The following DAB2IP variants were observed in gnomAD, a reference collection of about 807,000 sequenced individuals.
DAB2IP encodes the protein DAB2 interacting protein, also known as disabled homolog 2-interacting protein.
In DAB2IP, 28 loss-of-function variants were observed where a neutral mutation model predicts 107.2. The ratio of observed to expected loss-of-function variants is 0.26; its 90% CI spans 0.19 to 0.36. DAB2IP has a LOEUF of 0.36. DAB2IP is among the 10% of genes least tolerant of loss of function. The pLI is 1.00. For synonymous variants in DAB2IP, 755 were observed against 706.4 expected, an observed-to-expected ratio of 1.07 and a Z score of -1.09; for missense variants, 1,400 against 1,644.7, an observed-to-expected ratio of 0.85 and a Z score of 2.57.
intron 3 of DAB2IP, chr9:121,737,515 T>G (rs1832014617): frequency 1.0e-6 from 1 of 985,314 alleles, no homozygotes; most frequent in African/African-American, 1.7e-5. Context: ...AAGAGCTGCC[T>G]GGGTGAGCAC....
At chr9:121,778,150 T>G (rs1266295361) in intron 14 of DAB2IP, among the ~76,000 whole-genome samples, 2 of 152,234 alleles carry the variant, frequency 1.3e-5, no homozygotes, top group Non-Finnish European at 2.9e-5. Context: ...CATATTATAG[T>G]GCACCGTTGC....
chr9:121,751,852 A>T, intron 3 of DAB2IP: 1 of 884,828 alleles, frequency 1.1e-6, no homozygotes, highest in Non-Finnish European at 1.4e-6. Flanking sequence ...GCCCTGGCCA[A>T]GCTCCTCTGT....
At chr9:121,728,443 A>G (rs1176859545) in intron 3 of DAB2IP, among the ~76,000 whole-genome samples, 1 of 152,184 alleles carries the variant, frequency 6.6e-6, no homozygotes, top group African/African-American at 2.4e-5. Context: ...AGTTGCGTGA[A>G]TTTGGGCCCG....
At chr9:121,784,321 G>T (rs1835856542) in exon 16 of DAB2IP, 1 of 153,564 alleles carries the variant, frequency 6.5e-6, no homozygotes, top group African/African-American at 2.4e-5. Flanking sequence ...CCTGGCTCCA[G>T]TCTCATCCTC....
chr9:121,700,703 A>G (rs759060598), intron 3 of DAB2IP, among the ~76,000 whole-genome samples: 2 of 152,070 alleles, frequency 1.3e-5, no homozygotes, highest in Non-Finnish European at 2.9e-5. Context: ...CTGGAGAGTA[A>G]CACTTCCACC....
chr9:121,697,248 A>T (rs540298298), intron 2 of DAB2IP, among the ~76,000 whole-genome samples: 2 of 152,386 alleles, frequency 1.3e-5, no homozygotes, highest in South Asian at 4.1e-4. Context: ...CTCCAGAATG[A>T]GCTACATAAA....
intron 1 of DAB2IP, among the ~76,000 whole-genome samples, chr9:121,654,484 T>C (rs1014466305): frequency 4.6e-5 from 7 of 152,010 alleles, no homozygotes; most frequent in African/African-American, 7.2e-5. Context: ...CCTGGAGTGA[T>C]GAGGAGTTAG....
At chr9:121,743,879 C>T (rs1045584231) in intron 3 of DAB2IP, among the ~76,000 whole-genome samples, 9 of 139,542 alleles carry the variant, frequency 6.4e-5, no homozygotes, top group Non-Finnish European at 9.0e-5. Flanking sequence ...CACCCTGCCC[C>T]TCTACGCAGA....
chr9:121,773,615 A>C, intron 12 of DAB2IP, 120 bp downstream of exon 12: 6 of 1,240,780 alleles, frequency 4.8e-6, no homozygotes, highest in Non-Finnish European at 6.1e-6. Context: ...CTGCCATCCC[A>C]TCCCACCAGC....
At chr9:121,728,663 G>T (rs1480691729) in intron 3 of DAB2IP, among the ~76,000 whole-genome samples, 1 of 152,214 alleles carries the variant, frequency 6.6e-6, no homozygotes, top group African/African-American at 2.4e-5. Flanking sequence ...GCCAGTGAGG[G>T]TGGGGAGGCC....
chr9:121,580,477 C>T (rs963681331), intron 1 of DAB2IP, among the ~76,000 whole-genome samples: 1 of 152,084 alleles, frequency 6.6e-6, no homozygotes, highest in Non-Finnish European at 1.5e-5. Context: ...ATTAGGAGAC[C>T]AGCCTGGGCA....
intron 10 of DAB2IP, among the ~76,000 whole-genome samples, chr9:121,769,905 A>G (rs551349714): frequency 7.9e-5 from 12 of 152,180 alleles, no homozygotes; most frequent in Non-Finnish European, 1.5e-4. Context: ...TGCGTGCTCT[A>G]TTGCCTGCAT....
At chr9:121,659,809 A>G (rs935629270) in intron 1 of DAB2IP, among the ~76,000 whole-genome samples, 26 of 152,174 alleles carry the variant, frequency 1.7e-4, no homozygotes, top group African/African-American at 5.5e-4. Context: ...AAGAAAAAAG[A>G]AAAGAAAAAG....
intron 1 of DAB2IP, among the ~76,000 whole-genome samples, chr9:121,604,354 G>T (rs1304705567): frequency 2.0e-5 from 3 of 152,174 alleles, no homozygotes; most frequent in African/African-American, 4.8e-5. Flanking sequence ...CCCATCCCAG[G>T]TGGGCCTCCA....
chr9:121,700,939 C>T (rs141421383), intron 3 of DAB2IP, among the ~76,000 whole-genome samples: 4 of 152,324 alleles, frequency 2.6e-5, no homozygotes, highest in African/African-American at 7.2e-5. Flanking sequence ...GTCACTGCGT[C>T]TTTGAAAATC....
intron 2 of DAB2IP, among the ~76,000 whole-genome samples, chr9:121,696,396 G>A (rs1399481183): frequency 6.6e-6 from 1 of 152,210 alleles, no homozygotes; most frequent in Admixed American, 6.5e-5. Flanking sequence ...CTCAATTAAA[G>A]GTTGTCTTGG....
chr9:121,722,067 A>G (rs1564179222), intron 3 of DAB2IP, among the ~76,000 whole-genome samples: 1 of 152,262 alleles, frequency 6.6e-6, no homozygotes, highest in Non-Finnish European at 1.5e-5. Context: ...GGCTTTGGCC[A>G]GGCAGGAGCT....
intron 3 of DAB2IP, among the ~76,000 whole-genome samples, chr9:121,713,439 G>C (rs1830432749): frequency 6.6e-6 from 1 of 152,178 alleles, no homozygotes; most frequent in African/African-American, 2.4e-5. Context: ...GCCATTTGTA[G>C]ACAGGGGCCT....
chr9:121,641,454 C>T (rs1326588772), intron 1 of DAB2IP, among the ~76,000 whole-genome samples: 4 of 152,218 alleles, frequency 2.6e-5, no homozygotes, highest in African/African-American at 4.8e-5. Context: ...AGATTGGACA[C>T]AGAGGCTCTG....
Sources: gnomAD v4.1 joint callset for allele counts (sites outside exome capture counted in the v4.1 genomes callset) on GRCh38, gnomAD v4.1.1 for gene constraint, MANE v1.5 for transcripts, NCBI Gene and HGNC (gene_info 2026-07-23, HGNC 2026-07-21) for gene names.